GUCY2D: variants seen among roughly 807,000 people sequenced by gnomAD.
GUCY2D encodes the protein guanylate cyclase 2D, retinal, also known as retinal guanylyl cyclase 1.
In GUCY2D, 70 loss-of-function variants were observed where a neutral mutation model predicts 101.3. The observed-to-expected ratio is 0.69, with a 90% CI of 0.57 to 0.84. The LOEUF (loss-of-function observed/expected upper bound fraction) is 0.84. Ranked by LOEUF, GUCY2D falls within the 40% of genes least tolerant of loss-of-function variation. GUCY2D has a pLI of 0.00. For synonymous variants in GUCY2D, 688 were observed against 670.7 expected, an observed-to-expected ratio of 1.03 and a Z score of -0.40; for missense variants, 1,460 against 1,542.5, an observed-to-expected ratio of 0.95 and a Z score of 0.90.
intron 19 of GUCY2D, chr17:8,016,780 T>C (rs962774775): frequency 5.5e-6 from 3 of 546,962 alleles, no homozygotes; most frequent in African/African-American, 3.8e-5. Context: ...AATCGGGGCC[T>C]TCTGTGGCCC....
In GUCY2D at chr17:8,015,512, G is replaced by A. The variant is rs779480027; in HGVS notation, c.2944+10G>A. The A allele has an allele frequency of 3.1e-6, 5 of 1,608,078 alleles. No individual in the cohort carries two copies. The South Asian group carries it at 3.3e-5, about 11-fold the overall frequency. Reference sequence around the variant, plus strand: ...ATAGGCCTGCACTCGGGTAACTCCCGGGTCTTCCCAGGCTCCAGCCCATCT... The same window carrying A: ...ATAGGCCTGCACTCGGGTAACTCCCAGGTCTTCCCAGGCTCCAGCCCATCT... On this transcript the variant is annotated intron_variant, in intron 15 of 19. Coordinates refer to ENST00000254854, the MANE Select transcript of GUCY2D (RefSeq NM_000180.4).
intron 14 of GUCY2D, 70 bp downstream of exon 14, chr17:8,015,121 C>A: frequency 7.4e-7 from 1 of 1,356,424 alleles, no homozygotes; most frequent in Non-Finnish European, 1.0e-6. Context: ...CCAGCCCTTC[C>A]TGCGCAGCCC....
chr17:8,010,162 C>G (rs1381653438), intron 8 of GUCY2D, among the ~76,000 whole-genome samples: 6 of 152,094 alleles, frequency 3.9e-5, no homozygotes, highest in Non-Finnish European at 8.8e-5. Flanking sequence ...CCTCACTCCC[C>G]TCCATTGTAA....
At position 8,003,552 on chromosome 17, in the gene GUCY2D, G is replaced by T. The variant is rs1437419643; in HGVS notation, c.505G>T (p.Ala169Ser). ...CACGGCCCCTGCCGTGACCCCCGCC[G>T]CGGATGCCCTCTACGCCCTGCTTCG... ...GTTAPAVTPAADALYALLRAF... is the reference protein window; with the variant it reads ...GTTAPAVTPASDALYALLRAF... The change falls in exon 2 of 20, where the codon GCG becomes TCG. Residue 169 changes from alanine to serine, a missense_variant. Physicochemically the swap from Ala to Ser is moderately conservative, Grantham distance 99. Coordinates refer to ENST00000254854, the MANE Select transcript of GUCY2D (RefSeq NM_000180.4). 1.9e-6 allele frequency: 3 copies of T among 1,566,920 alleles called. No individual in the cohort carries two copies. The highest frequency in any genetic ancestry group is 2.6e-6 in the Non-Finnish European group (3 of 1,164,464).
rs764099561 is a variant in GUCY2D at position 8,012,146 on chromosome 17, C to A, written c.1752C>A (p.Leu584=). The A allele has an allele frequency of 1.2e-6, 2 of 1,612,680 alleles. No individual in the cohort carries two copies. The highest frequency in any genetic ancestry group is 4.5e-5 in the East Asian group (2 of 44,874). ...RPATKTAFSK[L]QELRHENVAL... is the part of the protein sequence containing the mutation. ...CAAGTCAACTCTCCCCCTCTCAGCTCCAGGAGCTCCGGCATGAGAACGTGG... is the reference window on the plus strand; with the variant it reads ...CAAGTCAACTCTCCCCCTCTCAGCTACAGGAGCTCCGGCATGAGAACGTGG... Residue 584 remains leucine, a splice_region_variant and synonymous_variant, in exon 9 of 20, where the codon CTC becomes CTA. Coordinates refer to ENST00000254854, the MANE Select transcript of GUCY2D (RefSeq NM_000180.4).
rs117853745 is a variant in GUCY2D at position 8,006,708 on chromosome 17, G to T, written c.1372G>T (p.Gly458Cys). The change falls in exon 4 of 20, where the codon GGT becomes TGT. Residue 458 changes from glycine (G) to cysteine (C), a missense_variant. By Grantham distance (159) the Gly-to-Cys change is radical (BLOSUM62 -3). Around this residue, in one of 3 missense-constraint regions of GUCY2D, gnomAD observed 1,196 missense variants for 1,229.6 expected, o/e 0.97. Transcript: ENST00000254854. ...SCWFDPNNIC[G>C]GGLEPGLVFL... ...CTGGTTCGATCCAAACAACATCTGC[G>T]GTGGAGGTGAGGGCGAGCACCCCAG... is the stretch of plus-strand genomic sequence containing the variant. The T allele has an allele frequency of 3.1e-6, 5 of 1,604,638 alleles. No individual in the cohort carries two copies. The South Asian group carries it at 5.6e-5, about 18-fold the overall frequency.
chr17:8,016,725 A>G (rs1024206146), intron 19 of GUCY2D, 171 bp downstream of exon 19: 2 of 590,210 alleles, frequency 3.4e-6, no homozygotes, highest in South Asian at 2.0e-5. Context: ...ATTTTGGTTC[A>G]GTAGATCTGG....
Position 8,016,491 on chromosome 17 carries a change from A to G in GUCY2D, c.3273A>G (p.Arg1091=), listed in dbSNP as rs375105072. The G allele has an allele frequency of 5.4e-5, 85 of 1,581,874 alleles. No individual in the cohort carries two copies. Among genetic ancestry groups the G allele is most frequent in the Non-Finnish European group, 7.2e-5 (84 of 1,164,648 alleles). The change falls in exon 19 of 20, where the codon CGA becomes CGG. Residue 1091 remains arginine (R), a synonymous_variant. Coordinates refer to ENST00000254854, the MANE Select transcript of GUCY2D (RefSeq NM_000180.4). Reference sequence around the variant, plus strand: ...TGCAGGAGATCCCACCCGAGCGGCGACGGAAGCTGGAGAAGGCGCGGCCGG... The same window carrying G: ...TGCAGGAGATCCCACCCGAGCGGCGGCGGAAGCTGGAGAAGGCGCGGCCGG... The part of the protein sequence containing the change: ...ISLQEIPPER[R]RKLEKARPGQ...
chr17:8,014,835 G>A lies in GUCY2D; in HGVS notation c.2577-24G>A. On this transcript the variant is annotated intron_variant, in intron 13 of 19. Coordinates refer to ENST00000254854, the MANE Select transcript of GUCY2D (RefSeq NM_000180.4). The surrounding 1 kb of genome is among the most constrained non-coding windows in gnomAD (Gnocchi z 4.0). ...CAGCCAGGTAGAGTGGCCCCCAGGT[G>A]ACCTCACTGCCTGCCATCCCTAGGT... 1 of 1,613,804 alleles carries A rather than the reference G, an allele frequency of 6.2e-7. No individual in the cohort carries two copies. Among genetic ancestry groups the A allele is most frequent in the Non-Finnish European group, 8.5e-7 (1 of 1,179,788 alleles).
At position 8,011,196 on chromosome 17, in the gene GUCY2D, T is replaced by C. The variant is rs989038470; in HGVS notation, c.1750-948T>C. Among the ~76,000 whole-genome samples the C allele has an allele frequency of 2.0e-5, 3 of 151,910 alleles. No homozygotes were observed. The highest frequency in any genetic ancestry group is 7.2e-5 in the African/African-American group (3 of 41,426). On this transcript the variant is annotated intron_variant, in intron 8 of 19. Coordinates refer to ENST00000254854, the MANE Select transcript of GUCY2D (RefSeq NM_000180.4). The surrounding 1 kb of genome is among the most constrained non-coding windows in gnomAD (Gnocchi z 4.3). The stretch of plus-strand genomic sequence containing the variant: ...GAGTTCGAGACCAGACTGGCCAACA[T>C]AGCAAAACCCCATCTCTACTAAAAA...
chr17:8,003,971 A>G lies in GUCY2D; in HGVS notation c.841A>G (p.Ile281Val). Residue 281 changes from isoleucine (I) to valine (V), a missense_variant, in exon 3 of 20, where the codon ATC (isoleucine) becomes GTC (valine). By Grantham distance (29) the Ile-to-Val change is conservative. Coordinates refer to ENST00000254854, the MANE Select transcript of GUCY2D (RefSeq NM_000180.4). ...CCTGGTCTTCCTGCCCTTCGACACG[A>G]TCCACTACGCCTTGTCCCCAGGCCC... is the stretch of plus-strand genomic sequence containing the variant. ...GSLVFLPFDT[I>V]HYALSPGPEA... The G allele has an allele frequency of 1.2e-6, 2 of 1,613,632 alleles. No individual in the cohort carries two copies. The highest frequency in any genetic ancestry group is 1.7e-6 in the Non-Finnish European group (2 of 1,179,874).
At position 8,012,548 on chromosome 17, in the gene GUCY2D, C is replaced by T. The variant is rs762943482; in HGVS notation, c.2055C>T (p.His685=). The T allele has an allele frequency of 4.3e-6, 7 of 1,613,788 alleles. No individual in the cohort carries two copies. The highest frequency in any genetic ancestry group is 3.3e-4 in the Middle Eastern group (2 of 6,084). The change falls in exon 10 of 20, where the codon CAC becomes CAT. Residue 685 remains histidine (H), a synonymous_variant. Coordinates refer to ENST00000254854, the MANE Select transcript of GUCY2D (RefSeq NM_000180.4). ...DGRFVLKITD[H]GHGRLLEAQK... ...GATTCGTACTCAAGATCACTGACCA[C>T]GGCCACGGGAGACTGCTGGAAGCAC... is the stretch of plus-strand genomic sequence containing the variant.
Position 8,012,133 on chromosome 17 carries a change from C to T in GUCY2D, c.1750-11C>T. The T allele has an allele frequency of 6.2e-7, 1 of 1,603,302 alleles. No individual in the cohort carries two copies. Among genetic ancestry groups the T allele is most frequent in the Non-Finnish European group, 8.5e-7 (1 of 1,170,928 alleles). The stretch of plus-strand genomic sequence containing the variant: ...TGGGCAGAAAATGCAAGTCAACTCT[C>T]CCCCTCTCAGCTCCAGGAGCTCCGG... On this transcript the variant is annotated splice_polypyrimidine_tract_variant and intron_variant, in intron 8 of 19. Coordinates refer to ENST00000254854, the MANE Select transcript of GUCY2D (RefSeq NM_000180.4).
Position 8,002,924 on chromosome 17 carries a change from T to C in GUCY2D, c.-9-115T>C. 2 of 750,570 alleles carry C rather than the reference T, an allele frequency of 2.7e-6. No homozygotes were observed. Among genetic ancestry groups the C allele is most frequent in the South Asian group, 3.9e-5 (2 of 51,826 alleles). 46.5% of individuals were successfully genotyped at this position (750,570 alleles called of 1,614,324 possible). On this transcript the variant is annotated intron_variant, in intron 1 of 19. Coordinates refer to ENST00000254854, the MANE Select transcript of GUCY2D (RefSeq NM_000180.4). The surrounding 1 kb of genome is among the most constrained non-coding windows in gnomAD (Gnocchi z 4.9). Reference sequence around the variant, plus strand: ...TCTTCCCAGCCTCCGGAGGGGGCGGTAGCAGCAGAATCATCCCATGGGTTA... The same window carrying C: ...TCTTCCCAGCCTCCGGAGGGGGCGGCAGCAGCAGAATCATCCCATGGGTTA...
chr17:8,013,208 T>G lies in GUCY2D; in HGVS notation c.2219T>G (p.Val740Gly). 1 of 1,614,120 alleles carries G rather than the reference T, an allele frequency of 6.2e-7. No individual in the cohort carries two copies. Among genetic ancestry groups the G allele is most frequent in the Non-Finnish European group, 8.5e-7 (1 of 1,180,006 alleles). Residue 740 changes from valine to glycine, a missense_variant, in exon 11 of 20, where the codon GTG becomes GGG. By Grantham distance (109) the Val-to-Gly change is moderately radical. This residue lies in a region of GUCY2D where 1,196 missense variants were observed against 1,229.6 expected (regional missense o/e 0.97). Transcript: ENST00000254854. This position sits in a 1 kb window ranked among gnomAD's most constrained non-coding sequence, Gnocchi z 5.0. ...FSLAIIMQEVVCRSAPYAMLE... is the reference protein window; with the variant it reads ...FSLAIIMQEVGCRSAPYAMLE... ...TTGGCCATCATCATGCAAGAAGTAG[T>G]GTGCCGCAGTGCCCCTTATGCCATG...
rs1975902669 is a variant in GUCY2D, at chr17:8,013,724, T to C, written c.2264-156T>C. On this transcript the variant is annotated intron_variant, in intron 11 of 19. Coordinates refer to ENST00000254854, the MANE Select transcript of GUCY2D (RefSeq NM_000180.4). The surrounding 1 kb of genome is among the most constrained non-coding windows in gnomAD (Gnocchi z 5.0). ...CTCCTAGCAACCCCCTTCCACACTATACTCTCCCTCCACACACACACACTG... is the reference window on the plus strand; with the variant it reads ...CTCCTAGCAACCCCCTTCCACACTACACTCTCCCTCCACACACACACACTG... 2 of 684,404 alleles carry C rather than the reference T, an allele frequency of 2.9e-6. No homozygotes were observed. The highest frequency in any genetic ancestry group is 4.3e-5 in the Admixed American group (2 of 46,540). The allele number at this position is 684,404 out of a possible 1,614,324, so 42.4% of individuals were successfully genotyped here. A position where few individuals can be genotyped will look rare whatever the true frequency, so the allele number is the denominator to read the frequency against.
Position 8,002,764 on chromosome 17 carries a change from A to G in GUCY2D, c.-10+30A>G. ...ATGTCAGAGGCCCCTCCGCTGGGAT[A>G]GGGTCGGTCTGAGGGCGCAGGCGAG... On this transcript the variant is annotated intron_variant, in intron 1 of 19. Coordinates refer to ENST00000254854, the MANE Select transcript of GUCY2D (RefSeq NM_000180.4). The surrounding 1 kb of genome is among the most constrained non-coding windows in gnomAD (Gnocchi z 4.9). 2.4e-6 allele frequency: 1 copy of G among 417,058 alleles called. No homozygotes were observed. The highest frequency in any genetic ancestry group is 4.3e-6 in the Non-Finnish European group (1 of 234,730). 25.8% of individuals were successfully genotyped at this position (417,058 alleles called of 1,614,324 possible).
At chr17:8,007,196 G>A in intron 5 of GUCY2D, 52 bp downstream of exon 5, 1 of 1,384,140 alleles carries the variant, frequency 7.2e-7, no homozygotes, top group Non-Finnish European at 1.0e-6. Context: ...AGAAATGGAA[G>A]TCTGCAGCAA....
intron 8 of GUCY2D, among the ~76,000 whole-genome samples, chr17:8,010,125 G>C (rs143604121): frequency 6.6e-6 from 1 of 151,990 alleles, no homozygotes; most frequent in Non-Finnish European, 1.5e-5. Flanking sequence ...TGCCTCTCTC[G>C]CTGGACTGTA....
Sources: gnomAD v4.1 joint callset for allele counts (sites outside exome capture counted in the v4.1 genomes callset) on GRCh38, gnomAD v4.1.1 for gene constraint, gnomAD v4.1.1 regional missense constraint, Gnocchi (gnomAD v3.1) non-coding constraint, MANE v1.5 for transcripts, NCBI Gene and HGNC (gene_info 2026-07-23, HGNC 2026-07-21) for gene names.